ANKRD44: variants seen among roughly 807,000 people sequenced by gnomAD.
ANKRD44 encodes serine/threonine-protein phosphatase 6 regulatory ankyrin repeat subunit B.
Under a neutral mutation model 116.0 loss-of-function variants are expected in ANKRD44, and 35 were observed. The ratio of observed to expected loss-of-function variants is 0.30; its 90% CI spans 0.23 to 0.40. The LOEUF (loss-of-function observed/expected upper bound fraction) is 0.40. Ranked by LOEUF, ANKRD44 falls within the 10% of genes least tolerant of loss-of-function variation. The pLI is 1.00. For missense variants in ANKRD44, 1,014 were observed against 1,242.6 expected (o/e 0.82, Z 2.77); for synonymous variants, 435 against 461.8 (o/e 0.94, Z 0.74).
chr2:197,056,467 A>G (rs1022918576), intron 16 of ANKRD44, among the ~76,000 whole-genome samples: 4 of 152,136 alleles, frequency 2.6e-5, no homozygotes, highest in Non-Finnish European at 5.9e-5. Flanking sequence ...TATGCTGTTG[A>G]AAATTGTAAT....
intron 16 of ANKRD44, chr2:197,078,446 C>T: frequency 1.1e-6 from 1 of 939,264 alleles, no homozygotes; most frequent in South Asian, 1.7e-5. Flanking sequence ...AATGGTACTG[C>T]CTTATATCGA....
In ANKRD44 at chr2:197,008,985, T is replaced by C; in HGVS notation, c.1971A>G (p.Ala657=). ...TCACATCGACCGCCTCCGGGTTGTC[T>C]GCAATTTCTAGCAACAGCCGTAAAC... ...TLCLRLLLEI[A]DNPEAVDVKD... The change falls in exon 19 of 28, where the codon GCA becomes GCG. Residue 657 remains alanine, a synonymous_variant. Coordinates refer to ENST00000282272, the MANE Select transcript of ANKRD44 (RefSeq NM_001195144.2). 6.2e-7 allele frequency: 1 copy of C among 1,614,192 alleles called. No homozygotes were observed. The highest frequency in any genetic ancestry group is 8.5e-7 in the Non-Finnish European group (1 of 1,180,016).
At chr2:197,078,600 A>G in intron 16 of ANKRD44, 103 bp downstream of exon 16, 1 of 1,537,858 alleles carries the variant, frequency 6.5e-7, no homozygotes, top group Non-Finnish European at 8.8e-7. Flanking sequence ...CCCACTTTTT[A>G]CACAAGCCAG....
At chr2:197,202,176 C>G (rs1457342791) in intron 1 of ANKRD44, among the ~76,000 whole-genome samples, 3 of 152,170 alleles carry the variant, frequency 2.0e-5, no homozygotes, top group African/African-American at 7.2e-5. Flanking sequence ...CAACTTTTTG[C>G]TTCTTGAATT....
At chr2:197,115,854 G>A (rs2125298982) in intron 8 of ANKRD44, among the ~76,000 whole-genome samples, 1 of 152,198 alleles carries the variant, frequency 6.6e-6, no homozygotes, top group African/African-American at 2.4e-5. Context: ...GAATAACTAA[G>A]GAGGATTCAA....
chr2:197,209,155 T>C (rs16863199), intron 1 of ANKRD44, among the ~76,000 whole-genome samples: 1 of 152,246 alleles, frequency 6.6e-6, no homozygotes, highest in Non-Finnish European at 1.5e-5. Context: ...CTGAGTAGTT[T>C]CTTCGAATAG....
intron 1 of ANKRD44, among the ~76,000 whole-genome samples, chr2:197,229,848 G>T (rs1258133227): frequency 1.3e-5 from 2 of 152,132 alleles, no homozygotes; most frequent in Admixed American, 6.5e-5. Context: ...GATGCTTCTT[G>T]ACAGAGGTCC....
chr2:196,972,818 A>C (rs2075724794), intron 21 of ANKRD44, among the ~76,000 whole-genome samples: 1 of 152,192 alleles, frequency 6.6e-6, no homozygotes, highest in Admixed American at 6.5e-5. Flanking sequence ...AGATTCCCTA[A>C]AGTATGAGTG....
intron 16 of ANKRD44, among the ~76,000 whole-genome samples, chr2:197,071,488 T>C (rs1044873457): frequency 1.2e-4 from 18 of 152,206 alleles, no homozygotes; most frequent in African/African-American, 4.1e-4. Context: ...AATTTCCTAG[T>C]GTTGGAGATT....
At chr2:197,210,358 A>G (rs2081297744) in intron 1 of ANKRD44, among the ~76,000 whole-genome samples, 1 of 152,312 alleles carries the variant, frequency 6.6e-6, no homozygotes, top group Admixed American at 6.5e-5. Flanking sequence ...AGTTACGATT[A>G]ACATCTTCCG....
chr2:197,013,706 T>G lies in ANKRD44; in HGVS notation c.1729A>C (p.Asn577His), dbSNP rs2076337676. The G allele has an allele frequency of 6.2e-7, 1 of 1,612,628 alleles. No individual in the cohort carries two copies. Among genetic ancestry groups the G allele is most frequent in the Non-Finnish European group, 8.5e-7 (1 of 1,180,014 alleles). Reference sequence around the variant, plus strand: ...ACTTCCAAGGCTTGATGGTGCCCATTGTAGGCCTGCAAAGAAGAAACCAAT... The same window carrying G: ...ACTTCCAAGGCTTGATGGTGCCCATGGTAGGCCTGCAAAGAAGAAACCAAT... ...TKSPLHLAAYNGHHQALEVLL... is the reference protein window; with the variant it reads ...TKSPLHLAAYHGHHQALEVLL... Residue 577 changes from asparagine to histidine, a missense_variant, in exon 18 of 28, where the codon AAT becomes CAT. Coordinates refer to ENST00000282272, the MANE Select transcript of ANKRD44 (RefSeq NM_001195144.2).
At chr2:197,164,109 C>G (rs1230050740) in intron 2 of ANKRD44, among the ~76,000 whole-genome samples, 1 of 152,228 alleles carries the variant, frequency 6.6e-6, no homozygotes, top group Non-Finnish European at 1.5e-5. Context: ...GTGCTGCAGG[C>G]CCAGTCCTGG....
chr2:197,226,258 G>A (rs565346528), intron 1 of ANKRD44, among the ~76,000 whole-genome samples: 1 of 152,318 alleles, frequency 6.6e-6, no homozygotes, highest in East Asian at 1.9e-4. Context: ...CAAATCCCCT[G>A]GACAGGCTTT....
At chr2:197,231,434 A>G (rs991185768) in intron 1 of ANKRD44, among the ~76,000 whole-genome samples, 3 of 151,766 alleles carry the variant, frequency 2.0e-5, no homozygotes, top group Non-Finnish European at 4.4e-5. Context: ...AACTCTTTAA[A>G]AAAAAAAATT....
chr2:197,285,340 C>T (rs1211700259), intron 1 of ANKRD44, among the ~76,000 whole-genome samples: 2 of 152,092 alleles, frequency 1.3e-5, no homozygotes, highest in African/African-American at 4.8e-5. Context: ...CTGTGATACC[C>T]AGATCCCAGG....
At chr2:196,990,290 G>A (rs2075894154) in intron 27 of ANKRD44, 1 of 989,512 alleles carries the variant, frequency 1.0e-6, no homozygotes, top group Non-Finnish European at 1.2e-6. Flanking sequence ...CCCTCCCAGG[G>A]GACATGAATG....
At chr2:197,214,085 A>G (rs1421520250) in intron 1 of ANKRD44, among the ~76,000 whole-genome samples, 1 of 152,142 alleles carries the variant, frequency 6.6e-6, no homozygotes, top group African/African-American at 2.4e-5. Context: ...AGCTATAGCT[A>G]TTTTCATATT....
At chr2:197,061,677 T>C (rs73049689) in intron 16 of ANKRD44, among the ~76,000 whole-genome samples, 2,209 of 152,280 alleles carry the variant, frequency 0.015, 19 homozygotes, top group African/African-American at 0.021. Flanking sequence ...AATCCTGTTA[T>C]TGCCCTATGG....
chr2:197,102,348 G>A (rs2078313267), intron 9 of ANKRD44, among the ~76,000 whole-genome samples: 1 of 152,132 alleles, frequency 6.6e-6, no homozygotes, highest in Non-Finnish European at 1.5e-5. Flanking sequence ...GAGATATCTA[G>A]GTCAAAGGGA....
Sources: allele counts gnomAD v4.1 joint callset (sites outside exome capture counted in the v4.1 genomes callset), GRCh38; gene constraint gnomAD v4.1.1; transcripts MANE v1.5; gene names NCBI Gene and HGNC (gene_info 2026-07-23, HGNC 2026-07-21).